ZCCHC10: variants seen among roughly 807,000 people sequenced by gnomAD.
ZCCHC10 encodes zinc finger CCHC domain-containing protein 10.
In ZCCHC10, 16 loss-of-function variants were observed where a neutral mutation model predicts 19.5. The observed-to-expected ratio is 0.82, with a 90% CI of 0.56 to 1.25. The LOEUF is 1.25. ZCCHC10 is among the 50% of genes most tolerant of loss of function. ZCCHC10 has a pLI of 0.00. For missense variants in ZCCHC10, 197 were observed against 201.0 expected (o/e 0.98, Z 0.12); for synonymous variants, 67 against 72.5 (o/e 0.92, Z 0.38).
intron 2 of ZCCHC10, among the ~76,000 whole-genome samples, chr5:133,012,539 T>C (rs1240950295): frequency 2.8e-5 from 4 of 144,368 alleles, no homozygotes; most frequent in South Asian, 2.2e-4. Context: ...AAAGAACAAG[T>C]AGGGAAGATT....
Position 133,026,482 on chromosome 5 carries a change from CGGA to C in ZCCHC10, c.41+12_41+14del. The C allele has an allele frequency of 6.2e-7, 1 of 1,613,286 alleles. No homozygotes were observed. The highest frequency in any genetic ancestry group is 8.5e-7 in the Non-Finnish European group (1 of 1,179,762). On this transcript the variant is annotated intron_variant, in intron 1 of 4. Transcript: ENST00000509437. Reference sequence around the variant, plus strand: ...TCCCAGCCCTCCAGTGGACCCGAACCGGATCCTTACTTACGCTTGTCTCCGGGC... The same window carrying C: ...TCCCAGCCCTCCAGTGGACCCGAACCTCCTTACTTACGCTTGTCTCCGGGC...
intron 4 of ZCCHC10, 25 bp downstream of exon 4, chr5:133,000,107 A>C: frequency 6.2e-7 from 1 of 1,611,688 alleles, no homozygotes. Context: ...TGTTATCTAT[A>C]AAACACTGCT....
In ZCCHC10 at chr5:132,997,351, T is replaced by C. The variant is rs1034093457; in HGVS notation, c.*1232A>G. ...ATAAAAATATAAAAAAGACAACATT[T>C]ATAGTTTTAAAAACCTATATTTAAC... On this transcript the variant is annotated 3_prime_UTR_variant, in exon 5 of 5. Transcript: ENST00000509437. 1 of 152,208 alleles carries C rather than the reference T, an allele frequency of 6.6e-6. No homozygotes were observed. The highest frequency in any genetic ancestry group is 1.5e-5 in the Non-Finnish European group (1 of 68,024). 9.4% of individuals were successfully genotyped at this position (152,208 alleles called of 1,614,324 possible).
chr5:132,999,609 C>T (rs1168767684), intron 4 of ZCCHC10, among the ~76,000 whole-genome samples: 1 of 151,936 alleles, frequency 6.6e-6, no homozygotes, highest in East Asian at 1.9e-4. Context: ...ATTGTTTCCA[C>T]GTACAAGGAC....
chr5:133,007,955 G>A (rs762183689), intron 2 of ZCCHC10, among the ~76,000 whole-genome samples: 15 of 152,204 alleles, frequency 9.9e-5, no homozygotes, highest in Non-Finnish European at 1.8e-4. Context: ...GCCAGGTGTG[G>A]TGGCTCACAC....
Position 133,021,586 on chromosome 5 carries a change from A to T in ZCCHC10, c.107+1255T>A, listed in dbSNP as rs1161497899. Among the ~76,000 whole-genome samples the T allele has an allele frequency of 5.3e-5, 8 of 152,192 alleles. No individual in the cohort carries two copies. The East Asian group carries it at 1.5e-3, about 29-fold the overall frequency. On this transcript the variant is annotated intron_variant, in intron 2 of 4. Transcript: ENST00000509437. ...CTTTTGGTAAGCTAATTTAAAATTT[A>T]TCTGGAAATACAATCTAAAATAGTC...
At chr5:133,017,419 G>T (rs1028975541) in intron 2 of ZCCHC10, among the ~76,000 whole-genome samples, 2 of 151,924 alleles carry the variant, frequency 1.3e-5, no homozygotes, top group Non-Finnish European at 2.9e-5. Context: ...GCCCAGACTG[G>T]AGTGTGATGA....
chr5:133,026,425 C>T, intron 1 of ZCCHC10, 72 bp downstream of exon 1: 1 of 1,581,646 alleles, frequency 6.3e-7, no homozygotes, highest in South Asian at 1.1e-5. Flanking sequence ...AATAGGGGTC[C>T]GACACCAGCC....
At position 132,998,731 on chromosome 5, in the gene ZCCHC10, C is replaced by T. The variant is rs1406952060; in HGVS notation, c.431G>A (p.Ser144Asn). Residue 144 changes from serine to asparagine, a missense_variant, in exon 5 of 5, where the codon AGC (serine) becomes AAC (asparagine). Transcript: ENST00000509437. Reference sequence around the variant, plus strand: ...GGCTGAGGATGAGGAACTAGAGGAGCTTTCATCAGTGTCACTGTCCTCTGA... The same window carrying T: ...GGCTGAGGATGAGGAACTAGAGGAGTTTTCATCAGTGTCACTGTCCTCTGA... ...SSSEDSDTDE[S>N]SSSSSSSASS... 6.2e-6 allele frequency: 10 copies of T among 1,613,978 alleles called. No homozygotes were observed. The highest frequency in any genetic ancestry group is 1.6e-4 in the Middle Eastern group (1 of 6,084).
At chr5:133,021,400 C>T (rs1482913015) in intron 2 of ZCCHC10, among the ~76,000 whole-genome samples, 1 of 152,082 alleles carries the variant, frequency 6.6e-6, no homozygotes, top group Non-Finnish European at 1.5e-5. Context: ...ATGTGCAAGA[C>T]CTCTGAAAAC....
At chr5:133,014,936 C>T (rs1228230925) in intron 2 of ZCCHC10, among the ~76,000 whole-genome samples, 1 of 152,212 alleles carries the variant, frequency 6.6e-6, no homozygotes, top group Non-Finnish European at 1.5e-5. Context: ...GTATCTTTGG[C>T]AGGAATAAAA....
At chr5:133,003,530 A>C (rs955546911) in intron 3 of ZCCHC10, among the ~76,000 whole-genome samples, 1 of 152,158 alleles carries the variant, frequency 6.6e-6, no homozygotes, top group South Asian at 2.1e-4. Context: ...AGTTGAAAAA[A>C]AACCCAAAAA....
At position 133,010,210 on chromosome 5, in the gene ZCCHC10, G is replaced by T. The variant is rs757189553; in HGVS notation, c.108-3290C>A. 7.9e-5 allele frequency among the ~76,000 whole-genome samples: 12 copies of T among 151,958 alleles called. No homozygotes were observed. The South Asian group carries it at 8.3e-4, about 11-fold the overall frequency. On this transcript the variant is annotated intron_variant, in intron 2 of 4. Coordinates refer to ENST00000509437, the MANE Select transcript of ZCCHC10 (RefSeq NM_001300816.3). ...ACTACAGGCACACACCACCACGCACGGCTAATTTTTTTTATTTTAGTAGAG... is the reference window on the plus strand; with the variant it reads ...ACTACAGGCACACACCACCACGCACTGCTAATTTTTTTTATTTTAGTAGAG...
At chr5:133,014,225 T>C (rs1409150242) in intron 2 of ZCCHC10, among the ~76,000 whole-genome samples, 1 of 150,410 alleles carries the variant, frequency 6.6e-6, no homozygotes, top group East Asian at 2.0e-4. Context: ...AATGGCGCGA[T>C]TTCAGCTCGC....
chr5:133,009,824 C>T (rs963746676), intron 2 of ZCCHC10, among the ~76,000 whole-genome samples: 7 of 151,952 alleles, frequency 4.6e-5, no homozygotes, highest in Non-Finnish European at 8.8e-5. Flanking sequence ...CTTCAGCCAA[C>T]TTCTAGTTAC....
At chr5:133,015,192 C>T (rs1367639655) in intron 2 of ZCCHC10, among the ~76,000 whole-genome samples, 1 of 150,934 alleles carries the variant, frequency 6.6e-6, no homozygotes, top group South Asian at 2.1e-4. Context: ...GATTCTCCTG[C>T]CTCAGCCTAC....
At chr5:133,023,913 G>A (rs1224281448) in intron 1 of ZCCHC10, among the ~76,000 whole-genome samples, 1 of 152,046 alleles carries the variant, frequency 6.6e-6, no homozygotes, top group Non-Finnish European at 1.5e-5. Flanking sequence ...GAAAAGTAAA[G>A]GCTCCTCTCC....
chr5:133,015,173 G>A (rs1228097375), intron 2 of ZCCHC10, among the ~76,000 whole-genome samples: 1 of 149,336 alleles, frequency 6.7e-6, no homozygotes, highest in Non-Finnish European at 1.5e-5. Flanking sequence ...CTGCCTCCTG[G>A]GCTCAAGAGA....
intron 3 of ZCCHC10, among the ~76,000 whole-genome samples, chr5:133,005,078 T>A (rs948888492): frequency 6.6e-6 from 1 of 151,512 alleles, no homozygotes; most frequent in Admixed American, 6.6e-5. Context: ...GGCGGGCAGA[T>A]CATGAGGTCA....
Sources: allele counts gnomAD v4.1 joint callset (sites outside exome capture counted in the v4.1 genomes callset), GRCh38; gene constraint gnomAD v4.1.1; transcripts MANE v1.5; gene names NCBI Gene and HGNC (gene_info 2026-07-23, HGNC 2026-07-21).